The following CYRIB variants were observed in gnomAD, a reference collection of about 807,000 sequenced individuals.
CYRIB encodes CYFIP-related Rac1 interactor B.
A neutral mutation model predicts 44.2 loss-of-function variants in CYRIB; 8 were observed. The ratio of observed to expected loss-of-function variants is 0.18; its 90% CI spans 0.11 to 0.33. CYRIB has a LOEUF of 0.33. Among genes scored for constraint, CYRIB ranks in the 10% least tolerant of loss-of-function variants. CYRIB has a pLI of 1.00. For synonymous variants in CYRIB, 131 were observed against 127.2 expected, an observed-to-expected ratio of 1.03 and a Z score of -0.20; for missense variants, 185 against 382.8, an observed-to-expected ratio of 0.48 and a Z score of 4.31.
intron 1 of CYRIB, among the ~76,000 whole-genome samples, chr8:129,912,971 C>CTTTTT (rs34861646): frequency 8.1e-6 from 1 of 124,122 alleles, no homozygotes. Flanking sequence ...ATCTGCTTCA[C>CTTTTT]TTTTTTTTTT....
chr8:129,888,503 C>G (rs1346251757), intron 2 of CYRIB, among the ~76,000 whole-genome samples: 1 of 152,192 alleles, frequency 6.6e-6, no homozygotes, highest in African/African-American at 2.4e-5. Flanking sequence ...ACATGCGCAT[C>G]TAACCACAAA....
intron 1 of CYRIB, among the ~76,000 whole-genome samples, chr8:129,921,983 A>G (rs1014205001): frequency 6.6e-6 from 1 of 152,114 alleles, no homozygotes; most frequent in Non-Finnish European, 1.5e-5. Context: ...AGGTCAGATC[A>G]CAAATACTTT....
At chr8:129,916,728 C>G (rs2080967376) in intron 1 of CYRIB, among the ~76,000 whole-genome samples, 1 of 152,202 alleles carries the variant, frequency 6.6e-6, no homozygotes, top group Admixed American at 6.5e-5. Flanking sequence ...TCCAATAGTA[C>G]ACTGCTACTC....
At chr8:129,848,815 T>C (rs1415956944) in intron 10 of CYRIB, among the ~76,000 whole-genome samples, 1 of 151,758 alleles carries the variant, frequency 6.6e-6, no homozygotes, top group Non-Finnish European at 1.5e-5. Context: ...CAAGTGATCC[T>C]CCTGCTTCAG....
chr8:129,903,358 A>G lies in CYRIB; in HGVS notation c.-49-8T>C, dbSNP rs940700922. The G allele has an allele frequency of 2.0e-5, 3 of 152,650 alleles. No individual in the cohort carries two copies. Among genetic ancestry groups the G allele is most frequent in the African/African-American group, 7.2e-5 (3 of 41,478 alleles). The allele number at this position is 152,650 out of a possible 1,614,324, so 9.5% of individuals were successfully genotyped here. On this transcript the variant is annotated splice_region_variant and splice_polypyrimidine_tract_variant and intron_variant, in intron 1 of 11. Transcript: ENST00000519824. ...CTGTCCTTGTCCTTCTATCTGTTTA[A>G]GGAAAGAAAAAAAGGAAGAAAGTCT...
chr8:129,907,214 T>C (rs973543876), intron 1 of CYRIB, among the ~76,000 whole-genome samples: 11 of 152,182 alleles, frequency 7.2e-5, no homozygotes, highest in Non-Finnish European at 1.3e-4. Flanking sequence ...TGTCCAACGA[T>C]AGACTTGATT....
intron 2 of CYRIB, among the ~76,000 whole-genome samples, chr8:129,902,629 C>T (rs773428692): frequency 5.3e-5 from 8 of 152,108 alleles, no homozygotes; most frequent in Non-Finnish European, 1.0e-4. Context: ...TAAGCCACCA[C>T]GACCGGCCTG....
chr8:129,933,457 C>T (rs1196263236), intron 1 of CYRIB, among the ~76,000 whole-genome samples: 1 of 152,070 alleles, frequency 6.6e-6, no homozygotes, highest in Admixed American at 6.6e-5. Context: ...CAGGCAGACA[C>T]CCAGATTAAG....
chr8:129,984,429 T>C (rs1350759440), intron 1 of CYRIB, among the ~76,000 whole-genome samples: 1 of 152,074 alleles, frequency 6.6e-6, no homozygotes, highest in Non-Finnish European at 1.5e-5. Flanking sequence ...GTCACTGCTG[T>C]TACTGTGGTT....
chr8:129,990,038 G>A (rs146909441), intron 1 of CYRIB, among the ~76,000 whole-genome samples: 2,764 of 151,894 alleles, frequency 0.018, 40 homozygotes, highest in Non-Finnish European at 0.027. Flanking sequence ...ATTTCACATC[G>A]TTGACTTTCC....
upstream of CYRIB, among the ~76,000 whole-genome samples, chr8:129,944,072 AT>A (rs2131005922): frequency 6.6e-6 from 1 of 152,162 alleles, no homozygotes; most frequent in East Asian, 1.9e-4. Context: ...ATACTAAGAA[AT>A]TTGAACTTGC....
intron 1 of CYRIB, among the ~76,000 whole-genome samples, chr8:129,909,958 C>T (rs997054980): frequency 6.6e-6 from 1 of 152,246 alleles, no homozygotes; most frequent in Non-Finnish European, 1.5e-5. Context: ...AGATCAGTTT[C>T]TGTCAGACTG....
At chr8:129,875,782 A>G (rs116316854) in intron 3 of CYRIB, among the ~76,000 whole-genome samples, 6,610 of 151,818 alleles carry the variant, frequency 0.044, 246 homozygotes, top group African/African-American at 0.099. Flanking sequence ...ATTCTAATTC[A>G]CTCTCCAAAA....
chr8:129,949,335 TC>T (rs1180899545), intron 2 of CYRIB: 9 of 152,180 alleles, frequency 5.9e-5, no homozygotes, highest in African/African-American at 1.7e-4. Flanking sequence ...TATAATGCAA[TC>T]CTTACAACAT....
intron 2 of CYRIB, among the ~76,000 whole-genome samples, chr8:129,945,664 G>C (rs1348033628): frequency 6.6e-6 from 1 of 152,192 alleles, no homozygotes; most frequent in Non-Finnish European, 1.5e-5. Flanking sequence ...CGCCTCCCGA[G>C]TTCAAGCGAC....
chr8:130,013,809 A>C (rs935173740), intron 1 of CYRIB, among the ~76,000 whole-genome samples: 1 of 152,246 alleles, frequency 6.6e-6, no homozygotes, highest in Non-Finnish European at 1.5e-5. Flanking sequence ...GGTCAACTGC[A>C]GGCCAGTGCG....
intron 4 of CYRIB, among the ~76,000 whole-genome samples, chr8:129,866,852 C>T (rs1178529049): frequency 6.6e-6 from 1 of 152,190 alleles, no homozygotes; most frequent in Non-Finnish European, 1.5e-5. Flanking sequence ...CTTCCTTATA[C>T]TTCTAATTCC....
chr8:129,862,349 G>T lies in CYRIB; in HGVS notation c.196-15C>A. The T allele has an allele frequency of 2.6e-6, 4 of 1,531,696 alleles. No homozygotes were observed. Among genetic ancestry groups the T allele is most frequent in the Non-Finnish European group, 3.5e-6 (4 of 1,134,262 alleles). 94.9% of individuals were successfully genotyped at this position (1,531,696 alleles called of 1,614,324 possible). On this transcript the variant is annotated splice_polypyrimidine_tract_variant and intron_variant, in intron 4 of 11. Coordinates refer to ENST00000519824, the Ensembl canonical transcript of CYRIB. ...TGCTGGATTGCCTTCAAAATCCAAA[G>T]AATAAAAATAGTTAGAGTTAAAAAA...
At chr8:129,930,093 C>A (rs1332882255) in intron 1 of CYRIB, among the ~76,000 whole-genome samples, 1 of 151,704 alleles carries the variant, frequency 6.6e-6, no homozygotes, top group African/African-American at 2.4e-5. Flanking sequence ...TGCCTGTAAT[C>A]CCAGCTACTC....
Sources: gnomAD v4.1 joint callset for allele counts (sites outside exome capture counted in the v4.1 genomes callset) on GRCh38, gnomAD v4.1.1 for gene constraint, MANE v1.5 for transcripts, NCBI Gene and HGNC (gene_info 2026-07-23, HGNC 2026-07-21) for gene names.